The following DAB2IP variants were observed in gnomAD, a reference collection of about 807,000 sequenced individuals.
The protein encoded by DAB2IP is DAB2 interacting protein, also known as disabled homolog 2-interacting protein.
DAB2IP carries 28 observed loss-of-function variants against 107.2 expected under a neutral mutation model. The observed-to-expected ratio is 0.26, with a 90% CI of 0.19 to 0.36. The LOEUF (loss-of-function observed/expected upper bound fraction) is 0.36. Among genes scored for constraint, DAB2IP ranks in the 10% least tolerant of loss-of-function variants. The pLI, the probability that DAB2IP is intolerant of heterozygous loss-of-function variation, is 1.00. For missense variants in DAB2IP, 1,400 were observed against 1,644.7 expected (o/e 0.85, Z 2.57); for synonymous variants, 755 against 706.4 (o/e 1.07, Z -1.09).
In DAB2IP at chr9:121,651,786, G is replaced by T. The variant is rs1293514054; in HGVS notation, c.11G>T (p.Gly4Val). 2.1e-6 allele frequency: 3 copies of T among 1,397,752 alleles called. No individual in the cohort carries two copies. The highest frequency in any genetic ancestry group is 3.0e-5 in the African/African-American group (2 of 67,248). The allele number at this position is 1,397,752 out of a possible 1,614,324, so 86.6% of individuals were successfully genotyped here. ...CCGGCGGGCGGCAGCATGTCCGCGG[G>T]CGGCAGCGCCAGGAAGAGCACCGGG... The change falls in exon 1 of 16, where the codon GGC becomes GTC. Residue 4 changes from glycine to valine, a missense_variant. Gly to Val is a moderately radical substitution (Grantham distance 109). Transcript: ENST00000408936. This position sits in a 1 kb window ranked among gnomAD's most constrained non-coding sequence, Gnocchi z 5.1.
At chr9:121,665,603 G>A (rs1833385453) in intron 1 of DAB2IP, among the ~76,000 whole-genome samples, 2 of 152,172 alleles carry the variant, frequency 1.3e-5, no homozygotes, top group South Asian at 4.1e-4. Flanking sequence ...TGTATGAAAG[G>A]ATAACATGTG....
At chr9:121,778,407 C>G (rs1414907462) in intron 14 of DAB2IP, among the ~76,000 whole-genome samples, 1 of 152,206 alleles carries the variant, frequency 6.6e-6, no homozygotes, top group African/African-American at 2.4e-5. Context: ...GGGCACCATA[C>G]TATTGGGTCT....
chr9:121,590,161 G>C (rs1299846585), intron 1 of DAB2IP, among the ~76,000 whole-genome samples: 1 of 151,126 alleles, frequency 6.6e-6, no homozygotes, highest in African/African-American at 2.4e-5. Context: ...ATTCTCTCTG[G>C]GTATTGAATT....
Position 121,698,875 on chromosome 9 carries a change from G to A in DAB2IP, c.229-450G>A, listed in dbSNP as rs1381374655. Among the ~76,000 whole-genome samples the A allele has an allele frequency of 3.3e-5, 5 of 152,090 alleles. No individual in the cohort carries two copies. Among genetic ancestry groups the A allele is most frequent in the Admixed American group, 2.6e-4 (4 of 15,284 alleles). The stretch of plus-strand genomic sequence containing the variant: ...GCGTGGATTCCTCCAGGTGGGTGTG[G>A]GGGGTGTGACCTCGCACGGGGAGGA... On this transcript the variant is annotated intron_variant, in intron 2 of 15. Coordinates refer to ENST00000408936, the Ensembl canonical transcript of DAB2IP. This position sits in a 1 kb window ranked among gnomAD's most constrained non-coding sequence, Gnocchi z 4.1.
intron 1 of DAB2IP, among the ~76,000 whole-genome samples, chr9:121,618,098 G>A (rs569357829): frequency 7.2e-5 from 11 of 152,286 alleles, no homozygotes; most frequent in African/African-American, 2.2e-4. Flanking sequence ...GCTGGCCAGA[G>A]TGAAAGGGAT....
exon 11 of DAB2IP, chr9:121,770,566 A>G: frequency 6.2e-7 from 1 of 1,613,688 alleles, no homozygotes; most frequent in Non-Finnish European, 8.5e-7. Context: ...CCAAACTGGG[A>G]CCCCTGCCTC....
In DAB2IP at chr9:121,770,640, A is replaced by G; in HGVS notation, c.1994A>G (p.Asn665Ser). ...GGTAGCGGGCAGCTCCCAGGGACCA[A>G]TGACCTGGCCTCCACACCGGGCTCT... The change falls in exon 11 of 16, where the codon AAT (asparagine) becomes AGT (serine). Residue 665 changes from asparagine (N) to serine (S), a missense_variant. Physicochemically the swap from Asn to Ser is conservative, Grantham distance 46. Coordinates refer to ENST00000408936, the Ensembl canonical transcript of DAB2IP. 3.7e-6 allele frequency: 6 copies of G among 1,614,164 alleles called. No individual in the cohort carries two copies. In the South Asian group the frequency reaches 4.4e-5, roughly 12 times the overall value.
chr9:121,715,138 G>T (rs1830530260), intron 3 of DAB2IP, among the ~76,000 whole-genome samples: 1 of 152,166 alleles, frequency 6.6e-6, no homozygotes, highest in Non-Finnish European at 1.5e-5. Flanking sequence ...TTGCTGCCCT[G>T]AGGGTGTCTC....
chr9:121,774,418 AC>A lies in DAB2IP; in HGVS notation c.3120+7del. ...AGCTCAGCCAAGCAGAAAAGGTAAAACTGGACCCTGGCGGCTCGGGACAGGG... is the reference window on the plus strand; with the variant it reads ...AGCTCAGCCAAGCAGAAAAGGTAAAATGGACCCTGGCGGCTCGGGACAGGG... On this transcript the variant is annotated splice_region_variant and intron_variant, in intron 13 of 15. Coordinates refer to ENST00000408936, the Ensembl canonical transcript of DAB2IP. 1 of 1,607,138 alleles carries A rather than the reference AC, an allele frequency of 6.2e-7. No individual in the cohort carries two copies. The highest frequency in any genetic ancestry group is 1.3e-5 in the African/African-American group (1 of 74,642).
intron 13 of DAB2IP, 130 bp downstream of exon 13, chr9:121,774,542 C>CCCTGTT: frequency 9.4e-7 from 1 of 1,068,216 alleles, no homozygotes; most frequent in Admixed American, 3.1e-5. Flanking sequence ...ACCTCTGAGC[C>CCCTGTT]CCTGTTCCCT....
At chr9:121,728,200 G>A (rs1447591502) in intron 3 of DAB2IP, among the ~76,000 whole-genome samples, 4 of 152,158 alleles carry the variant, frequency 2.6e-5, no homozygotes, top group Admixed American at 2.6e-4. Flanking sequence ...GGGACCTTGG[G>A]CAACTCATGG....
At chr9:121,674,895 G>GGTGT (rs908993449) in intron 1 of DAB2IP, among the ~76,000 whole-genome samples, 12 of 150,758 alleles carry the variant, frequency 8.0e-5, no homozygotes, top group African/African-American at 2.9e-4. Flanking sequence ...GTGTGTGTGT[G>GGTGT]GTGTGTGTGT....
In DAB2IP at chr9:121,567,113, G is replaced by A. The variant is rs1436866081; in HGVS notation, c.-76G>A. ...AAAAGCCGCCAGATGGAATACAAAA[G>A]GAGGAACCCAGACGCTCATGGAGAC... On this transcript the variant is annotated 5_prime_UTR_variant, in exon 1 of 17. Coordinates refer to the DAB2IP transcript ENST00000259371. The A allele has an allele frequency of 1.9e-6, 3 of 1,591,778 alleles. No homozygotes were observed. The African/African-American group carries it at 4.1e-5, about 22-fold the overall frequency.
chr9:121,609,790 T>G (rs1188003422), intron 1 of DAB2IP, among the ~76,000 whole-genome samples: 1 of 152,222 alleles, frequency 6.6e-6, no homozygotes. Context: ...GCTATCTTGG[T>G]CCTTGGCTGC....
In DAB2IP at chr9:121,773,393, G is replaced by C. The variant is rs767427292; in HGVS notation, c.2865G>C (p.Ser955=). ...GACCCTCAAGCGGAACCCTGGCGTCGGCCTCACCTGATTGGGTGGGCCCCA... is the reference window on the plus strand; with the variant it reads ...GACCCTCAAGCGGAACCCTGGCGTCCGCCTCACCTGATTGGGTGGGCCCCA... Residue 955 remains serine (S), a synonymous_variant, in exon 12 of 16, where the codon TCG becomes TCC. Coordinates refer to ENST00000408936, the Ensembl canonical transcript of DAB2IP. 4 of 1,594,688 alleles carry C rather than the reference G, an allele frequency of 2.5e-6. 1 individual carries two copies. Among genetic ancestry groups the C allele is most frequent in the Middle Eastern group, 3.4e-4 (2 of 5,960 alleles).
At chr9:121,722,395 CG>C (rs763922983) in intron 3 of DAB2IP, among the ~76,000 whole-genome samples, 1 of 152,142 alleles carries the variant, frequency 6.6e-6, no homozygotes, top group Non-Finnish European at 1.5e-5. Context: ...TCTTCCTGTT[CG>C]GGGCCTGCAG....
rs374009761 is a variant in DAB2IP, at chr9:121,593,961, C to CCG, written c.40+26734_40+26735insGC. Among the ~76,000 whole-genome samples, 568 of 152,016 alleles carry CCG rather than the reference C, an allele frequency of 3.7e-3. 3 individuals carry two copies. Among genetic ancestry groups the CCG allele is most frequent in the African/African-American group, 0.013 (545 of 41,472 alleles). ...GGGTTTACAGACGTGAGCCACCATG[C>CCG]CCAGCCCTCCCACTTTCATAGTAAC... On this transcript the variant is annotated intron_variant, in intron 1 of 16. Coordinates refer to the DAB2IP transcript ENST00000259371.
At chr9:121,649,040 G>A (rs1832644788), upstream of DAB2IP, among the ~76,000 whole-genome samples, 1 of 152,130 alleles carries the variant, frequency 6.6e-6, no homozygotes, top group African/African-American at 2.4e-5. Flanking sequence ...CCTGTTCCTG[G>A]GCCAGGAAGA....
intron 3 of DAB2IP, among the ~76,000 whole-genome samples, chr9:121,725,154 AGTGTGTGTGCGCGCGTGTGTATGTGT>A (rs1831161881): frequency 6.6e-6 from 1 of 151,780 alleles, no homozygotes; most frequent in African/African-American, 2.4e-5. Flanking sequence ...ATGGTGAGTG[AGTGTGTGTGCGCGCGTGTGTATGTGT>A]GTGTGTGTCC....
Sources: gnomAD v4.1 joint callset for allele counts (sites outside exome capture counted in the v4.1 genomes callset) on GRCh38, gnomAD v4.1.1 for gene constraint, Gnocchi (gnomAD v3.1) non-coding constraint, MANE v1.5 for transcripts, NCBI Gene and HGNC (gene_info 2026-07-23, HGNC 2026-07-21) for gene names.